Variants in JAK3 observed in about 807,000 individuals in gnomAD.
The protein encoded by JAK3 is Janus kinase 3.
JAK3 carries 88 observed loss-of-function variants against 120.8 expected under a neutral mutation model. The observed-to-expected ratio is 0.73, with a 90% CI of 0.61 to 0.87. The LOEUF is 0.87. Ranked by LOEUF, JAK3 falls within the 40% of genes least tolerant of loss-of-function variation. JAK3 has a pLI of 0.00. For missense variants in JAK3, 1,254 were observed against 1,501.4 expected (o/e 0.84, Z 2.72); for synonymous variants, 592 against 628.6 (o/e 0.94, Z 0.87).
chr19:17,835,579 ACTAT>A (rs998214347), intron 14 of JAK3, among the ~76,000 whole-genome samples: 1 of 151,906 alleles, frequency 6.6e-6, no homozygotes, highest in African/African-American at 2.4e-5. Flanking sequence ...GATGCAACAC[ACTAT>A]CTAGCCTGCA....
rs201008512 is a variant in JAK3 at position 17,826,519 on chromosome 19, G to A, written c.*224C>T. The A allele has an allele frequency of 2.0e-5, 9 of 460,186 alleles. 1 individual carries two copies. The African/African-American group carries it at 2.8e-4, about 14-fold the overall frequency. 28.5% of individuals were successfully genotyped at this position (460,186 alleles called of 1,614,324 possible). On this transcript the variant is annotated 3_prime_UTR_variant, in exon 24 of 24. Transcript: ENST00000458235. ...TTGCTTCTTTGGGCCAGGACTCAGA[G>A]AGCCCCACTGACACATATGCCCATC...
Position 17,830,154 on chromosome 19 carries a change from A to G in JAK3, c.3161T>C (p.Leu1054Pro). Residue 1054 changes from leucine to proline, a missense_variant, in exon 23 of 24, where the codon CTG (leucine) becomes CCG (proline). Transcript: ENST00000458235. ...VPALCRLLEL[L>P]EEGQRLPAPP... is the part of the protein sequence containing the mutation. Reference sequence around the variant, plus strand: ...CGCCGGCAGCCTCTGGCCCTCCTCCAGCAGTTCCAAGAGGCGGCAGAGGGC... The same window carrying G: ...CGCCGGCAGCCTCTGGCCCTCCTCCGGCAGTTCCAAGAGGCGGCAGAGGGC... 6.3e-7 allele frequency: 1 copy of G among 1,596,150 alleles called. No individual in the cohort carries two copies. The highest frequency in any genetic ancestry group is 8.5e-7 in the Non-Finnish European group (1 of 1,172,512).
chr19:17,834,578 G>A lies in JAK3; in HGVS notation c.2343C>T (p.Ile781=), dbSNP rs2094220388. The A allele has an allele frequency of 1.2e-6, 2 of 1,610,840 alleles. No individual in the cohort carries two copies. Among genetic ancestry groups the A allele is most frequent in the Non-Finnish European group, 1.7e-6 (2 of 1,177,814 alleles). Residue 781 remains isoleucine (I), a synonymous_variant, in exon 17 of 24, where the codon ATC becomes ATT. Coordinates refer to ENST00000458235, the MANE Select transcript of JAK3 (RefSeq NM_000215.4). ...ACCCGTCCCAGCGGGCACCTGAAGA[G>A]ATGAGGCTATTGAGGTCACGAATGA... ...RAVIRDLNSL[I]SSDYELLSDP...
chr19:17,845,404 C>G lies in JAK3; in HGVS notation c.-13-974G>C, dbSNP rs545838828. On this transcript the variant is annotated intron_variant, in intron 1 of 23. Transcript: ENST00000458235. ...CTCCTGGCCTCAAGTGATCAGCCTG[C>G]CTCAGCCTCCCAAAATGCTGGATTA... is the stretch of plus-strand genomic sequence containing the variant. 5.6e-4 allele frequency among the ~76,000 whole-genome samples: 86 copies of G among 152,260 alleles called. 1 individual carries two copies. The highest frequency in any genetic ancestry group is 1.0e-3 in the Non-Finnish European group (70 of 68,014).
chr19:17,832,193 C>T lies in JAK3; in HGVS notation c.2680+326G>A, dbSNP rs1322677692. Among the ~76,000 whole-genome samples the T allele has an allele frequency of 6.6e-6, 1 of 152,126 alleles. No individual in the cohort carries two copies. On this transcript the variant is annotated intron_variant, in intron 19 of 23. Transcript: ENST00000458235. This position sits in a 1 kb window ranked among gnomAD's most constrained non-coding sequence, Gnocchi z 4.7. ...AGGAGAATCACTTGAACTTGGAAGG[C>T]AGAGGTTGCAGTGAGCCGAGATTGA...
rs1226170180 is a variant in JAK3, at chr19:17,837,217, G to T, written c.1702-4C>A. On this transcript the variant is annotated splice_polypyrimidine_tract_variant and splice_region_variant and intron_variant, in intron 12 of 23. Transcript: ENST00000458235. ...AGCTCGCTGCTTCCAGGAATGACTG[G>T]GGAAGGTGGGAAGGGAGAGAAGATG... The T allele has an allele frequency of 7.1e-6, 11 of 1,559,874 alleles. 1 individual carries two copies. The South Asian group carries it at 1.1e-4, about 15-fold the overall frequency.
Position 17,832,982 on chromosome 19 carries a change from C to G in JAK3, c.2351-53G>C. ...GCAGCGCCTCTCATCCTGGGCCCCA[C>G]TCCTGAGTTGACTTGCTGTGCAACC... On this transcript the variant is annotated intron_variant, in intron 17 of 23. Transcript: ENST00000458235. This position sits in a 1 kb window ranked among gnomAD's most constrained non-coding sequence, Gnocchi z 4.7. 1 of 1,577,188 alleles carries G rather than the reference C, an allele frequency of 6.3e-7. No individual in the cohort carries two copies. The highest frequency in any genetic ancestry group is 8.6e-7 in the Non-Finnish European group (1 of 1,160,866).
Position 17,844,384 on chromosome 19 carries a change from G to A in JAK3, c.34C>T (p.Pro12Ser), listed in dbSNP as rs1423714862. The change falls in exon 2 of 24, where the codon CCT becomes TCT. Residue 12 changes from proline to serine, a missense_variant. By Grantham distance (74) the Pro-to-Ser change is moderately conservative. Coordinates refer to ENST00000458235, the MANE Select transcript of JAK3 (RefSeq NM_000215.4). ...APPSEETPLI[P>S]QRSCSLLSTE... is the part of the protein sequence containing the mutation. ...GACAAGAGGCTGCATGAACGCTGAGGGATCAGGGGCGTCTCTTCACTTGGA... is the reference window on the plus strand; with the variant it reads ...GACAAGAGGCTGCATGAACGCTGAGAGATCAGGGGCGTCTCTTCACTTGGA... The A allele has an allele frequency of 6.2e-7, 1 of 1,612,340 alleles. No individual in the cohort carries two copies. Among genetic ancestry groups the A allele is most frequent in the Non-Finnish European group, 8.5e-7 (1 of 1,179,728 alleles).
At chr19:17,845,229 G>C (rs1317998960) in intron 1 of JAK3, among the ~76,000 whole-genome samples, 1 of 151,790 alleles carries the variant, frequency 6.6e-6, no homozygotes, top group Non-Finnish European at 1.5e-5. Context: ...GTGCAGTGGC[G>C]CAATCTCAGC....
intron 23 of JAK3, chr19:17,829,737 G>A: frequency 2.4e-6 from 1 of 408,192 alleles, no homozygotes; most frequent in Non-Finnish European, 4.4e-6. Flanking sequence ...GGGCAACAGA[G>A]TGAGCCCCCA....
chr19:17,834,662 G>C lies in JAK3; in HGVS notation c.2259C>G (p.Ala753=), dbSNP rs35458530. 6.2e-6 allele frequency: 10 copies of C among 1,614,060 alleles called. No individual in the cohort carries two copies. In the Admixed American group the frequency reaches 1.7e-4, roughly 27 times the overall value. ...QLPAPKWTEL[A]LLIQQCMAYE... is the part of the protein sequence containing the mutation. The stretch of plus-strand genomic sequence containing the variant: ...AGGCCATGCACTGTTGAATCAGCAG[G>C]GCCAGCTCTGTCCACTTGGGGGCCG... The change falls in exon 17 of 24, where the codon GCC becomes GCG. Residue 753 remains alanine, a synonymous_variant. Coordinates refer to ENST00000458235, the MANE Select transcript of JAK3 (RefSeq NM_000215.4).
In JAK3 at chr19:17,842,294, C is replaced by T; in HGVS notation, c.861+22G>A. 1 of 1,544,124 alleles carries T rather than the reference C, an allele frequency of 6.5e-7. No homozygotes were observed. The highest frequency in any genetic ancestry group is 1.4e-5 in the African/African-American group (1 of 73,494). On this transcript the variant is annotated intron_variant, in intron 6 of 23. Transcript: ENST00000458235. This position sits in a 1 kb window ranked among gnomAD's most constrained non-coding sequence, Gnocchi z 6.4. ...GCCCCGCCCCCACGTTGGCCCCGCC[C>T]AGCGGGGGAGTCCGCCCTCACCTCC...
intron 13 of JAK3, 29 bp downstream of exon 13, chr19:17,837,100 G>A: frequency 6.8e-7 from 1 of 1,472,290 alleles, no homozygotes; most frequent in South Asian, 1.2e-5. Context: ...GTGAGGCAGG[G>A]GTGGGGTGGG....
chr19:17,831,662 G>C lies in JAK3; in HGVS notation c.2805+12C>G. The C allele has an allele frequency of 1.2e-6, 2 of 1,602,836 alleles. No homozygotes were observed. Among genetic ancestry groups the C allele is most frequent in the Non-Finnish European group, 1.7e-6 (2 of 1,175,706 alleles). ...GCTGAATCCCCACAAGTCCCGGGGC[G>C]CCCCCTCGCACCTTGCAGATCTGCG... On this transcript the variant is annotated intron_variant, in intron 20 of 23. Transcript: ENST00000458235. This position sits in a 1 kb window ranked among gnomAD's most constrained non-coding sequence, Gnocchi z 5.1.
In JAK3 at chr19:17,826,752, G is replaced by A. The variant is rs141069196; in HGVS notation, c.3366C>T (p.Ser1122=). ...GGTCTGCGGGCAGGAGCTATGAAAAGGACAGGGAGTGGTGTTTGCCCTCTG... is the reference window on the plus strand; with the variant it reads ...GGTCTGCGGGCAGGAGCTATGAAAAAGACAGGGAGTGGTGTTTGCCCTCTG... ...AHPEGKHHSL[S]FS is the part of the protein sequence containing the mutation. The change falls in exon 24 of 24, where the codon TCC becomes TCT. Residue 1122 remains serine, a synonymous_variant. Transcript: ENST00000458235. The A allele has an allele frequency of 5.5e-5, 89 of 1,613,970 alleles. No individual in the cohort carries two copies. Among genetic ancestry groups the A allele is most frequent in the Non-Finnish European group, 7.1e-5 (84 of 1,179,966 alleles).
chr19:17,837,921 A>G lies in JAK3; in HGVS notation c.1701+11T>C. On this transcript the variant is annotated intron_variant, in intron 12 of 23. Coordinates refer to ENST00000458235, the MANE Select transcript of JAK3 (RefSeq NM_000215.4). ...CCCCGACTCCAAAAGTCTGGTCCAC[A>G]TTGCTCTCACCTCCATGCAGTTCTT... 1.2e-6 allele frequency: 2 copies of G among 1,613,780 alleles called. No individual in the cohort carries two copies. Among genetic ancestry groups the G allele is most frequent in the Non-Finnish European group, 1.7e-6 (2 of 1,179,886 alleles).
At position 17,826,141 on chromosome 19, in the gene JAK3, T is replaced by G. The variant is rs1198052480; in HGVS notation, c.*602A>C. ...GCTCATGCCTATTATTCCAACACTT[T>G]GGGAGGCTGAGGTGGGAGGATCACT... is the stretch of plus-strand genomic sequence containing the variant. On this transcript the variant is annotated 3_prime_UTR_variant, in exon 24 of 24. Transcript: ENST00000458235. 1 of 152,154 alleles carries G rather than the reference T, an allele frequency of 6.6e-6. No homozygotes were observed. The highest frequency in any genetic ancestry group is 1.5e-5 in the Non-Finnish European group (1 of 68,612). 9.4% of individuals were successfully genotyped at this position (152,154 alleles called of 1,614,324 possible).
chr19:17,827,038 G>A, intron 23 of JAK3, 128 bp from the exon 24 acceptor site: 1 of 1,050,436 alleles, frequency 9.5e-7, no homozygotes, highest in Non-Finnish European at 1.4e-6. Context: ...GGAGTGCAAT[G>A]GCATGATCTC....
Position 17,843,650 on chromosome 19 carries a change from C to G in JAK3, c.308+127G>C. ...ACCTTGGGCAAGTGACCCACCCTCT[C>G]TGGTCTGTTTCCTCATCTGAGAAAT... is the stretch of plus-strand genomic sequence containing the variant. On this transcript the variant is annotated intron_variant, in intron 3 of 23. Transcript: ENST00000458235. The surrounding 1 kb of genome is among the most constrained non-coding windows in gnomAD (Gnocchi z 5.4). 7.3e-7 allele frequency: 1 copy of G among 1,360,926 alleles called. No individual in the cohort carries two copies. Among genetic ancestry groups the G allele is most frequent in the Non-Finnish European group, 1.1e-6 (1 of 951,378 alleles). The allele number at this position is 1,360,926 out of a possible 1,614,324, so 84.3% of individuals were successfully genotyped here.
Sources: allele counts gnomAD v4.1 joint callset (sites outside exome capture counted in the v4.1 genomes callset), GRCh38; gene constraint gnomAD v4.1.1; non-coding constraint Gnocchi (gnomAD v3.1); transcripts MANE v1.5; gene names NCBI Gene and HGNC (gene_info 2026-07-23, HGNC 2026-07-21).